ST7: variants seen among roughly 807,000 people sequenced by gnomAD.
The protein encoded by ST7 is suppression of tumorigenicity 7, also known as suppressor of tumorigenicity 7 protein.
Under a neutral mutation model 78.7 loss-of-function variants are expected in ST7, and 28 were observed. The observed-to-expected ratio is 0.36, with a 90% confidence interval of 0.26 to 0.49. The LOEUF (loss-of-function observed/expected upper bound fraction) is 0.49. ST7 is among the 20% of genes least tolerant of loss of function. The pLI is 0.99. For synonymous variants in ST7, 247 were observed against 249.6 expected, an observed-to-expected ratio of 0.99 and a Z score of 0.10; for missense variants, 418 against 696.0, an observed-to-expected ratio of 0.60 and a Z score of 4.49.
In ST7 at chr7:117,145,944, C is replaced by G. The variant is rs74861639; in HGVS notation, c.963+7412C>G. 2.7e-3 allele frequency among the ~76,000 whole-genome samples: 406 copies of G among 152,246 alleles called. 3 individuals are homozygous for G. The highest frequency in any genetic ancestry group is 9.4e-3 in the African/African-American group (392 of 41,544). ...TAACCCTCTGTGTTCTTACATTTGG[C>G]TCCTTTAAAAAAATAGTCAGAGGGA... is the stretch of plus-strand genomic sequence containing the variant. On this transcript the variant is annotated intron_variant, in intron 9 of 15. Transcript: ENST00000323984.
chr7:117,080,660 T>C (rs1178738347), intron 1 of ST7, among the ~76,000 whole-genome samples: 1 of 152,212 alleles, frequency 6.6e-6, no homozygotes, highest in Non-Finnish European at 1.5e-5. Flanking sequence ...ATGGGATTGA[T>C]GAGTGGATGA....
chr7:116,977,954 T>C (rs1233950690), intron 1 of ST7, among the ~76,000 whole-genome samples: 1 of 152,218 alleles, frequency 6.6e-6, no homozygotes, highest in African/African-American at 2.4e-5. Flanking sequence ...GGAGATACAA[T>C]TCATAACCCC....
intron 1 of ST7, chr7:117,014,959 G>A (rs1053693100): frequency 7.4e-7 from 1 of 1,353,832 alleles, no homozygotes; most frequent in Non-Finnish European, 9.6e-7. Context: ...GGCTGATAGA[G>A]TTGTACTTGG....
At chr7:117,067,747 G>A (rs1367099971) in intron 1 of ST7, among the ~76,000 whole-genome samples, 1 of 152,210 alleles carries the variant, frequency 6.6e-6, no homozygotes, top group Non-Finnish European at 1.5e-5. Flanking sequence ...TGAGGAGCCT[G>A]ACTAAAGTTT....
chr7:116,974,579 C>T (rs1196021368), intron 1 of ST7, among the ~76,000 whole-genome samples: 1 of 152,222 alleles, frequency 6.6e-6, no homozygotes. Flanking sequence ...GCGTGAGCCA[C>T]TGCGCCGGGC....
chr7:117,191,530 A>T (rs1057437396), intron 12 of ST7: 18 of 151,972 alleles, frequency 1.2e-4, no homozygotes, highest in African/African-American at 3.9e-4. Flanking sequence ...CCTGAAATTG[A>T]TTTTAAGGGA....
intron 13 of ST7, among the ~76,000 whole-genome samples, chr7:117,215,858 T>C (rs1297131707): frequency 1.3e-5 from 2 of 152,188 alleles, no homozygotes; most frequent in Non-Finnish European, 2.9e-5. Context: ...TCACCTTTTG[T>C]CAAGCAACTG....
At chr7:117,083,651 A>G (rs1169118463) in intron 1 of ST7, among the ~76,000 whole-genome samples, 1 of 152,246 alleles carries the variant, frequency 6.6e-6, no homozygotes, top group Non-Finnish European at 1.5e-5. Flanking sequence ...GCTATTATAT[A>G]TAAAATTATT....
chr7:117,130,801 C>A, intron 5 of ST7, 195 bp downstream of exon 5: 9 of 430,484 alleles, frequency 2.1e-5, no homozygotes, highest in Non-Finnish European at 3.7e-5. Context: ...GAAATGAGTC[C>A]CCTCATAATA....
At chr7:117,164,589 A>C (rs571720865) in intron 9 of ST7, among the ~76,000 whole-genome samples, 99 of 152,338 alleles carry the variant, frequency 6.5e-4, no homozygotes, top group Non-Finnish European at 1.3e-3. Context: ...TTGGATTTTA[A>C]TTCAAGAATA....
chr7:117,026,792 T>A (rs555378143), intron 1 of ST7, among the ~76,000 whole-genome samples: 1 of 152,100 alleles, frequency 6.6e-6, no homozygotes, highest in East Asian at 1.9e-4. Context: ...TATCAAGGGG[T>A]GTTTGTGGAG....
intron 1 of ST7, among the ~76,000 whole-genome samples, chr7:117,047,479 A>G (rs915026341): frequency 5.9e-5 from 9 of 152,144 alleles, no homozygotes; most frequent in South Asian, 4.1e-4. Context: ...TATTCACATG[A>G]TATAATTATA....
At chr7:117,121,306 A>G (rs1803345781) in intron 3 of ST7, among the ~76,000 whole-genome samples, 1 of 152,182 alleles carries the variant, frequency 6.6e-6, no homozygotes, top group Non-Finnish European at 1.5e-5. Context: ...CAGAGAGTGG[A>G]TGAGTTTACA....
chr7:117,038,914 G>A (rs1265446650), intron 1 of ST7, among the ~76,000 whole-genome samples: 1 of 152,100 alleles, frequency 6.6e-6, no homozygotes, highest in Non-Finnish European at 1.5e-5. Flanking sequence ...CAGTTTTTGA[G>A]TGATTTGTGT....
At chr7:117,137,522 C>G (rs1009311860) in intron 8 of ST7, among the ~76,000 whole-genome samples, 29 of 152,140 alleles carry the variant, frequency 1.9e-4, no homozygotes, top group African/African-American at 7.0e-4. Context: ...AACCTGTTGC[C>G]TAAATCCATC....
intron 1 of ST7, among the ~76,000 whole-genome samples, chr7:117,019,515 C>G (rs1444202622): frequency 6.6e-6 from 1 of 152,152 alleles, no homozygotes; most frequent in Non-Finnish European, 1.5e-5. Flanking sequence ...CTTAAAATGA[C>G]TGAGTTGCTC....
chr7:117,052,877 C>G (rs1326137323), intron 1 of ST7, among the ~76,000 whole-genome samples: 1 of 152,162 alleles, frequency 6.6e-6, no homozygotes. Flanking sequence ...CTGGGCGACA[C>G]AGCAAGATTA....
intron 1 of ST7, among the ~76,000 whole-genome samples, chr7:116,973,643 T>A (rs922279097): frequency 6.6e-6 from 1 of 152,230 alleles, no homozygotes; most frequent in Non-Finnish European, 1.5e-5. Context: ...TTGGTAACCA[T>A]TGTCCTGAAG....
intron 2 of ST7, chr7:117,118,494 T>A (rs2116933924): frequency 6.6e-6 from 1 of 152,362 alleles, no homozygotes; most frequent in East Asian, 1.9e-4. Flanking sequence ...GTTTTAAAAT[T>A]ATATCCCAAA....
Sources: allele counts gnomAD v4.1 joint callset (sites outside exome capture counted in the v4.1 genomes callset), GRCh38; gene constraint gnomAD v4.1.1; transcripts MANE v1.5; gene names NCBI Gene and HGNC (gene_info 2026-07-23, HGNC 2026-07-21).